The following ADGRB3 variants were observed in gnomAD, a reference collection of about 807,000 sequenced individuals.
ADGRB3 encodes brain-specific angiogenesis inhibitor 3.
Under a neutral mutation model 193.4 loss-of-function variants are expected in ADGRB3, and 37 were observed. The observed-to-expected ratio is 0.19, with a 90% CI of 0.15 to 0.25. The LOEUF (loss-of-function observed/expected upper bound fraction) is 0.25. ADGRB3 is among the 10% of genes least tolerant of loss of function. ADGRB3 has a pLI of 1.00. For synonymous variants in ADGRB3, 690 were observed against 644.2 expected (o/e 1.07, Z -1.08); for missense variants, 1,637 against 1,852.9 (o/e 0.88, Z 2.14).
intron 8 of ADGRB3, among the ~76,000 whole-genome samples, chr6:68,971,398 G>A (rs756461313): frequency 1.3e-5 from 2 of 152,162 alleles, no homozygotes; most frequent in Non-Finnish European, 2.9e-5. Context: ...TGCAGAATCT[G>A]TGTGTTGGAA....
intron 26 of ADGRB3, among the ~76,000 whole-genome samples, chr6:69,339,778 A>G (rs532455880): frequency 2.6e-5 from 4 of 152,302 alleles, no homozygotes; most frequent in Admixed American, 2.6e-4. Flanking sequence ...AAGAAGCTAC[A>G]TGGAGTGATT....
At chr6:69,240,519 A>C (rs941428383) in intron 20 of ADGRB3, among the ~76,000 whole-genome samples, 3 of 152,056 alleles carry the variant, frequency 2.0e-5, no homozygotes, top group African/African-American at 7.2e-5. Flanking sequence ...TTTAAAAGGA[A>C]ATACAAAGTA....
chr6:68,979,436 T>C lies in ADGRB3; in HGVS notation c.1734+4096T>C, dbSNP rs572063486. 1.9e-3 allele frequency among the ~76,000 whole-genome samples: 290 copies of C among 151,556 alleles called. 1 individual carries two copies. The highest frequency in any genetic ancestry group is 6.6e-3 in the African/African-American group (273 of 41,512). On this transcript the variant is annotated intron_variant, in intron 10 of 31. Transcript: ENST00000370598. ...AACAATTTCAATTAGTTAATACTTA[T>C]GAAGTTTATTTGGAAGCCTTATAAG...
chr6:68,696,728 C>A (rs117769933), intron 3 of ADGRB3, among the ~76,000 whole-genome samples: 1 of 152,086 alleles, frequency 6.6e-6, no homozygotes, highest in East Asian at 1.9e-4. Flanking sequence ...TTTTAACAAT[C>A]ATAAAGTGTT....
intron 3 of ADGRB3, among the ~76,000 whole-genome samples, chr6:68,915,258 T>A (rs564508242): frequency 1.3e-5 from 2 of 150,442 alleles, no homozygotes; most frequent in Non-Finnish European, 3.0e-5. Context: ...ATCAGCTTCA[T>A]AAGTAAAATG....
rs1366924208 is a variant in ADGRB3 at position 69,054,640 on chromosome 6, GTTAC to G, written c.2333+5298_2333+5301del. The stretch of plus-strand genomic sequence containing the variant: ...AGCTTATAGTATAAAATATTGTGGT[GTTAC>G]TTAGTGCGTTATTTTTTAAAATCTC... On this transcript the variant is annotated intron_variant, in intron 15 of 31. Coordinates refer to ENST00000370598, the MANE Select transcript of ADGRB3 (RefSeq NM_001704.3). 3.3e-5 allele frequency among the ~76,000 whole-genome samples: 5 copies of G among 152,230 alleles called. No individual in the cohort carries two copies. In the South Asian group the frequency reaches 6.2e-4, roughly 19 times the overall value.
intron 26 of ADGRB3, among the ~76,000 whole-genome samples, chr6:69,345,749 G>C (rs1769070743): frequency 6.6e-6 from 1 of 151,988 alleles, no homozygotes; most frequent in Non-Finnish European, 1.5e-5. Context: ...TGAAACTTCT[G>C]GCCAGGGCAA....
intron 3 of ADGRB3, among the ~76,000 whole-genome samples, chr6:68,671,007 T>C (rs1321031941): frequency 6.6e-6 from 1 of 152,004 alleles, no homozygotes; most frequent in South Asian, 2.1e-4. Context: ...AGTATTTAAT[T>C]TGATGTGTGG....
chr6:68,984,204 T>A (rs1296242625), intron 10 of ADGRB3, among the ~76,000 whole-genome samples: 1 of 152,176 alleles, frequency 6.6e-6, no homozygotes, highest in Non-Finnish European at 1.5e-5. Flanking sequence ...ATGAGGTTTC[T>A]ATGGAGGATA....
intron 17 of ADGRB3, among the ~76,000 whole-genome samples, chr6:69,153,118 TATGAAA>T (rs1235102886): frequency 1.3e-4 from 20 of 152,074 alleles, no homozygotes; most frequent in Non-Finnish European, 2.9e-4. Context: ...GTAGGAAACC[TATGAAA>T]CCCTGCATGC....
At chr6:69,004,802 G>T (rs1769697320) in intron 11 of ADGRB3, among the ~76,000 whole-genome samples, 1 of 152,114 alleles carries the variant, frequency 6.6e-6, no homozygotes, top group Non-Finnish European at 1.5e-5. Context: ...ACGATTTTGG[G>T]GTTGGGGGGT....
chr6:69,040,693 A>C (rs1160411734), intron 13 of ADGRB3, among the ~76,000 whole-genome samples: 71 of 145,234 alleles, frequency 4.9e-4, no homozygotes, highest in South Asian at 3.7e-3. Flanking sequence ...AAAAAAAAAA[A>C]AAAAAAAAAA....
chr6:68,803,739 A>G (rs913317705), intron 3 of ADGRB3, among the ~76,000 whole-genome samples: 3 of 152,132 alleles, frequency 2.0e-5, no homozygotes, highest in Non-Finnish European at 2.9e-5. Flanking sequence ...TATTATCTAA[A>G]CAAATCTGTG....
chr6:68,735,585 T>C (rs900467285), intron 3 of ADGRB3, among the ~76,000 whole-genome samples: 1 of 152,116 alleles, frequency 6.6e-6, no homozygotes, highest in African/African-American at 2.4e-5. Flanking sequence ...CAAATTAAAC[T>C]GATTAAAATT....
chr6:68,689,515 T>C (rs982125781), intron 3 of ADGRB3, among the ~76,000 whole-genome samples: 1 of 152,174 alleles, frequency 6.6e-6, no homozygotes, highest in Non-Finnish European at 1.5e-5. Flanking sequence ...TAATGTAGAT[T>C]ACTATTTAAA....
chr6:68,817,458 A>C (rs1175038443), intron 3 of ADGRB3, among the ~76,000 whole-genome samples: 1 of 147,826 alleles, frequency 6.8e-6, no homozygotes, highest in Non-Finnish European at 1.5e-5. Context: ...ACATCTAAGC[A>C]CTCTTTACCA....
intron 20 of ADGRB3, among the ~76,000 whole-genome samples, chr6:69,297,410 CTATATA>C (rs753511956): frequency 1.0e-4 from 13 of 128,306 alleles, no homozygotes; most frequent in African/African-American, 3.9e-4. Context: ...CTCTCTCTCT[CTATATA>C]TATATATATA....
intron 26 of ADGRB3, among the ~76,000 whole-genome samples, chr6:69,349,752 C>T (rs1769183443): frequency 6.6e-6 from 1 of 152,136 alleles, no homozygotes; most frequent in Admixed American, 6.6e-5. Flanking sequence ...TGTAACTTTA[C>T]TTATTTTCCT....
At chr6:68,869,717 C>T (rs115124087) in intron 3 of ADGRB3, among the ~76,000 whole-genome samples, 142 of 144,704 alleles carry the variant, frequency 9.8e-4, no homozygotes, top group African/African-American at 3.6e-3. Context: ...TTATGTGAGG[C>T]CTGCATACAT....
Sources: allele counts gnomAD v4.1 joint callset (sites outside exome capture counted in the v4.1 genomes callset), GRCh38; gene constraint gnomAD v4.1.1; transcripts MANE v1.5; gene names NCBI Gene and HGNC (gene_info 2026-07-23, HGNC 2026-07-21).